Variants in SAMD5 observed in about 807,000 individuals in gnomAD.
The protein encoded by SAMD5 is sterile alpha motif domain containing 5, also known as sterile alpha motif domain-containing protein 5.
In SAMD5, 13 loss-of-function variants were observed where a neutral mutation model predicts 11.3. The ratio of observed to expected loss-of-function variants is 1.15; its 90% CI spans 0.75 to 1.83. The LOEUF is 1.83. SAMD5 is among the 40% of genes most tolerant of loss of function. The pLI is 0.00. For missense variants in SAMD5, 255 were observed against 239.1 expected (o/e 1.07, Z -0.44); for synonymous variants, 129 against 111.3 (o/e 1.16, Z -1.00).
chr6:147,716,735 A>G (rs1485172568), intron 1 of SAMD5, among the ~76,000 whole-genome samples: 1 of 152,226 alleles, frequency 6.6e-6, no homozygotes, highest in African/African-American at 2.4e-5. Context: ...TTGCTGGCAC[A>G]TTTTTGCAGC....
chr6:147,852,706 CAGAAG>C, the SAMD5 span, among the ~76,000 whole-genome samples: 1 of 152,152 alleles, frequency 6.6e-6, no homozygotes, highest in Non-Finnish European at 1.5e-5. Flanking sequence ...TGCTACATAA[CAGAAG>C]AGGAGTGGTC....
intron 1 of SAMD5, among the ~76,000 whole-genome samples, chr6:147,715,262 G>A (rs949180991): frequency 6.6e-6 from 1 of 152,206 alleles, no homozygotes; most frequent in African/African-American, 2.4e-5. Context: ...TGAGCCAGGC[G>A]CAGAGCAGTG....
chr6:147,731,480 A>G (rs1451726720), intron 1 of SAMD5, among the ~76,000 whole-genome samples: 1 of 152,086 alleles, frequency 6.6e-6, no homozygotes, highest in Non-Finnish European at 1.5e-5. Flanking sequence ...TTTAGTAGCT[A>G]TGGAAAACAA....
chr6:147,552,447 C>A (rs536612893), intron 1 of SAMD5, among the ~76,000 whole-genome samples: 1 of 152,148 alleles, frequency 6.6e-6, no homozygotes, highest in South Asian at 2.1e-4. Context: ...TCAGAAGATA[C>A]CATTCCCCTG....
chr6:147,783,273 A>G, the SAMD5 span, among the ~76,000 whole-genome samples: 1 of 152,272 alleles, frequency 6.6e-6, no homozygotes, highest in South Asian at 2.1e-4. Context: ...TATTAAAAAT[A>G]TTAATGATAA....
the SAMD5 span, among the ~76,000 whole-genome samples, chr6:147,939,253 A>C: frequency 1.3e-5 from 2 of 152,152 alleles, no homozygotes; most frequent in African/African-American, 2.4e-5. Context: ...AAGGTCTCTG[A>C]ACCCCATTGT....
the SAMD5 span, among the ~76,000 whole-genome samples, chr6:147,831,901 C>T: frequency 2.0e-5 from 3 of 152,020 alleles, no homozygotes; most frequent in South Asian, 6.2e-4. Flanking sequence ...CTGTGTCTTC[C>T]TTTATTTCAA....
At chr6:147,720,330 G>A (rs1791529680) in intron 1 of SAMD5, among the ~76,000 whole-genome samples, 1 of 152,176 alleles carries the variant, frequency 6.6e-6, no homozygotes, top group Non-Finnish European at 1.5e-5. Context: ...AGGCGCGATG[G>A]CGGGCTCCTG....
At chr6:147,529,588 C>T (rs970548606) in intron 1 of SAMD5, among the ~76,000 whole-genome samples, 1 of 152,134 alleles carries the variant, frequency 6.6e-6, no homozygotes, top group African/African-American at 2.4e-5. Context: ...CATAGGAAGC[C>T]TTCCAGAAGG....
At chr6:147,911,369 G>T in the SAMD5 span, among the ~76,000 whole-genome samples, 1 of 152,116 alleles carries the variant, frequency 6.6e-6, no homozygotes. Flanking sequence ...TCCACCATAT[G>T]AAGTTAACAC....
At chr6:147,789,647 G>T in the SAMD5 span, among the ~76,000 whole-genome samples, 1 of 152,030 alleles carries the variant, frequency 6.6e-6, no homozygotes, top group Non-Finnish European at 1.5e-5. Flanking sequence ...AGTCCATACT[G>T]TATCAGATTT....
rs1386454765 is a variant in SAMD5, at chr6:147,591,391, G to A, written c.162+82004G>A. Among the ~76,000 whole-genome samples, 5 of 152,146 alleles carry A rather than the reference G, an allele frequency of 3.3e-5. 1 individual carries two copies. Among genetic ancestry groups the A allele is most frequent in the South Asian group, 2.1e-4 (1 of 4,830 alleles). ...AGCACGGGACCCTGCACCTGCTGGC[G>A]CTCAGGGAGTGTTCACTGAATTAAA... On this transcript the variant is annotated intron_variant, in intron 1 of 1. Coordinates refer to the SAMD5 transcript ENST00000566741.
rs1412297695 is a variant in SAMD5 at position 147,565,222 on chromosome 6, A to G, written c.*766A>G. 1.0e-6 allele frequency: 1 copy of G among 985,796 alleles called. No homozygotes were observed. The highest frequency in any genetic ancestry group is 1.2e-6 in the Non-Finnish European group (1 of 830,006). 61.1% of individuals were successfully genotyped at this position (985,796 alleles called of 1,614,324 possible). ...ATAGCTAGTTTCTTGCACTCTGTGG[A>G]GACTGCCAGGGCCGCAGCTCACAGC... is the stretch of plus-strand genomic sequence containing the variant. On this transcript the variant is annotated 3_prime_UTR_variant, in exon 2 of 2. Transcript: ENST00000367474.
chr6:147,799,231 G>A, the SAMD5 span, among the ~76,000 whole-genome samples: 1 of 151,828 alleles, frequency 6.6e-6, no homozygotes, highest in Non-Finnish European at 1.5e-5. Context: ...CATGTTTAGG[G>A]TTTCCTTCAG....
intron 1 of SAMD5, among the ~76,000 whole-genome samples, chr6:147,562,524 T>C (rs1369334165): frequency 6.6e-6 from 1 of 152,202 alleles, no homozygotes. Context: ...TATTAGAGCA[T>C]TAAAAACCAA....
the SAMD5 span, among the ~76,000 whole-genome samples, chr6:147,758,137 T>C: frequency 3.3e-5 from 5 of 152,172 alleles, no homozygotes; most frequent in African/African-American, 1.2e-4. Context: ...GAAGATGTTA[T>C]ATCAATTACT....
chr6:147,657,985 C>T (rs976120040), intron 1 of SAMD5, among the ~76,000 whole-genome samples: 3 of 152,156 alleles, frequency 2.0e-5, no homozygotes, highest in Non-Finnish European at 4.4e-5. Context: ...TTGATCTTTG[C>T]ATTTTTCAAA....
Position 147,569,700 on chromosome 6 carries a change from G to A in SAMD5, c.*5244G>A, listed in dbSNP as rs1789106264. 1.9e-5 allele frequency: 19 copies of A among 985,092 alleles called. No homozygotes were observed. Among genetic ancestry groups the A allele is most frequent in the Non-Finnish European group, 2.3e-5 (19 of 829,790 alleles). 61.0% of individuals were successfully genotyped at this position (985,092 alleles called of 1,614,324 possible). A position where few individuals can be genotyped will look rare whatever the true frequency, so the allele number is the denominator to read the frequency against. ...TTGTCAATGTTTAGAGATACTATTCGGGTTGCTAAAGCCATTATTCATAGA... is the reference window on the plus strand; with the variant it reads ...TTGTCAATGTTTAGAGATACTATTCAGGTTGCTAAAGCCATTATTCATAGA... On this transcript the variant is annotated 3_prime_UTR_variant, in exon 2 of 2. Transcript: ENST00000367474.
In SAMD5 at chr6:147,636,013, A is replaced by T. The variant is rs150317347; in HGVS notation, c.163-101304A>T. Among the ~76,000 whole-genome samples the T allele has an allele frequency of 6.8e-4, 103 of 152,336 alleles. 1 individual carries two copies. Among genetic ancestry groups the T allele is most frequent in the African/African-American group, 2.3e-3 (94 of 41,578 alleles). On this transcript the variant is annotated intron_variant, in intron 1 of 1. Coordinates refer to the SAMD5 transcript ENST00000566741. ...TTTTCTGTCATTCATTTAGCAGTTG[A>T]TTCAACCATGACTGATTTGATTCTG...
Sources: allele counts gnomAD v4.1 joint callset (sites outside exome capture counted in the v4.1 genomes callset), GRCh38; gene constraint gnomAD v4.1.1; transcripts MANE v1.5; gene names NCBI Gene and HGNC (gene_info 2026-07-23, HGNC 2026-07-21).